Variants in CCDC102B observed in about 807,000 individuals in gnomAD.
The protein encoded by CCDC102B is coiled-coil domain containing 102B.
In CCDC102B, 75 loss-of-function variants were observed where a neutral mutation model predicts 57.4. The ratio of observed to expected loss-of-function variants is 1.31; its 90% CI spans 1.08 to 1.58. CCDC102B has a LOEUF of 1.58. CCDC102B is among the 40% of genes most tolerant of loss of function. The pLI is 0.00. For missense variants in CCDC102B, 636 were observed against 582.6 expected, an observed-to-expected ratio of 1.09 and a Z score of -0.94; for synonymous variants, 206 against 201.9, an observed-to-expected ratio of 1.02 and a Z score of -0.17.
chr18:68,952,348 G>GTA (rs2049722363), intron 6 of CCDC102B, among the ~76,000 whole-genome samples: 1 of 151,964 alleles, frequency 6.6e-6, no homozygotes. Flanking sequence ...ATTGGAAACT[G>GTA]TAAGTTGTCT....
chr18:68,787,114 A>C lies in CCDC102B; in HGVS notation c.-66-36252A>C, dbSNP rs1308596495. On this transcript the variant is annotated intron_variant, in intron 2 of 3. Coordinates refer to the CCDC102B transcript ENST00000578970. ...GTGGTTTTTGTCTTTGGTTCTGTTT[A>C]TATGCTGGATTACATTTATTGATTT... 9.2e-5 allele frequency among the ~76,000 whole-genome samples: 14 copies of C among 151,506 alleles called. 1 individual carries two copies. In the East Asian group the frequency reaches 2.7e-3, roughly 29 times the overall value.
Position 69,037,196 on chromosome 18 carries a change from A to G in CCDC102B, c.1435-16834A>G, listed in dbSNP as rs150696404. Reference sequence around the variant, plus strand: ...TTACCATAACCAAATTCCAAGCTGGACAGATTATAAAGACACCCCACTGTG... The same window carrying G: ...TTACCATAACCAAATTCCAAGCTGGGCAGATTATAAAGACACCCCACTGTG... On this transcript the variant is annotated intron_variant, in intron 7 of 7. Coordinates refer to ENST00000360242, the MANE Select transcript of CCDC102B (RefSeq NM_024781.3). 3.0e-3 allele frequency among the ~76,000 whole-genome samples: 450 copies of G among 152,118 alleles called. 3 individuals are homozygous for G. Among genetic ancestry groups the G allele is most frequent in the African/African-American group, 0.01 (432 of 41,530 alleles).
At chr18:68,736,209 A>G (rs2033122000) in intron 2 of CCDC102B, among the ~76,000 whole-genome samples, 1 of 152,242 alleles carries the variant, frequency 6.6e-6, no homozygotes, top group African/African-American at 2.4e-5. Context: ...ACACTAATCA[A>G]GAGTATAAAA....
At chr18:68,818,590 C>G (rs1455067174) in intron 1 of CCDC102B, among the ~76,000 whole-genome samples, 1 of 152,214 alleles carries the variant, frequency 6.6e-6, no homozygotes, top group African/African-American at 2.4e-5. Flanking sequence ...TCGTGAGTAG[C>G]TTTTCCTCTT....
At chr18:69,018,232 A>G (rs2051723039) in intron 7 of CCDC102B, among the ~76,000 whole-genome samples, 1 of 152,250 alleles carries the variant, frequency 6.6e-6, no homozygotes, top group Admixed American at 6.5e-5. Flanking sequence ...ATGCGTATAT[A>G]CACAACGTGT....
chr18:68,940,745 A>G (rs1371090263), intron 6 of CCDC102B, among the ~76,000 whole-genome samples: 8 of 151,940 alleles, frequency 5.3e-5, no homozygotes, highest in African/African-American at 1.7e-4. Context: ...TCATATAGCT[A>G]TGCACACTTT....
At chr18:68,749,783 G>C (rs924029497) in intron 2 of CCDC102B, among the ~76,000 whole-genome samples, 1 of 152,038 alleles carries the variant, frequency 6.6e-6, no homozygotes, top group Non-Finnish European at 1.5e-5. Context: ...TCTCCTGCCT[G>C]ATTGCCCTGG....
intron 6 of CCDC102B, among the ~76,000 whole-genome samples, chr18:68,919,819 A>G (rs1022450247): frequency 6.6e-6 from 1 of 152,182 alleles, no homozygotes; most frequent in Non-Finnish European, 1.5e-5. Flanking sequence ...AATGTCTTCA[A>G]TAATTGTTGT....
At chr18:68,935,795 G>A (rs2049219807) in intron 6 of CCDC102B, among the ~76,000 whole-genome samples, 2 of 151,830 alleles carry the variant, frequency 1.3e-5, no homozygotes, top group South Asian at 4.1e-4. Context: ...ATGTGCAAGT[G>A]CAGCATCCTG....
chr18:68,792,719 T>A (rs966798793), intron 2 of CCDC102B, among the ~76,000 whole-genome samples: 1 of 152,236 alleles, frequency 6.6e-6, no homozygotes, highest in Admixed American at 6.5e-5. Flanking sequence ...CAACCAATGC[T>A]TGAACTCAGG....
At chr18:68,890,507 G>A (rs1399900179) in intron 5 of CCDC102B, among the ~76,000 whole-genome samples, 2 of 152,090 alleles carry the variant, frequency 1.3e-5, no homozygotes, top group African/African-American at 4.8e-5. Context: ...TTATAGACTT[G>A]GGCGACCACA....
chr18:68,907,963 T>G (rs187299198), intron 6 of CCDC102B: 4 of 152,306 alleles, frequency 2.6e-5, no homozygotes, highest in African/African-American at 9.6e-5. Context: ...ATTTTCAACT[T>G]TTTTCTAATT....
chr18:68,930,581 T>C (rs1392906787), intron 6 of CCDC102B, among the ~76,000 whole-genome samples: 1 of 151,894 alleles, frequency 6.6e-6, no homozygotes, highest in African/African-American at 2.4e-5. Context: ...GAATTCCTCA[T>C]GTCATGGGCT....
intron 2 of CCDC102B, among the ~76,000 whole-genome samples, chr18:68,759,542 G>GC (rs2034183371): frequency 6.6e-6 from 1 of 152,004 alleles, no homozygotes; most frequent in African/African-American, 2.4e-5. Context: ...CATATGGGGG[G>GC]CCAGAAGACA....
In CCDC102B at chr18:68,715,339, G is replaced by T; in HGVS notation, c.-156G>T. Reference sequence around the variant, plus strand: ...CGCGTTTCCGGGAAGGTGAATACCGGTGAAAGTTATGCTGAGGGTGAGGTA... The same window carrying T: ...CGCGTTTCCGGGAAGGTGAATACCGTTGAAAGTTATGCTGAGGGTGAGGTA... On this transcript the variant is annotated 5_prime_UTR_variant, in exon 1 of 4. Coordinates refer to the CCDC102B transcript ENST00000578970. The T allele has an allele frequency of 4.3e-6, 4 of 928,020 alleles. No individual in the cohort carries two copies. In the South Asian group the frequency reaches 9.3e-5, roughly 22 times the overall value. The allele number at this position is 928,020 out of a possible 1,614,324, so 57.5% of individuals were successfully genotyped here. A position where few individuals can be genotyped will look rare whatever the true frequency, so the allele number is the denominator to read the frequency against.
chr18:69,019,784 A>G (rs2363261), intron 7 of CCDC102B, among the ~76,000 whole-genome samples: 149,879 of 152,202 alleles, frequency 0.98, 73,855 homozygotes, highest in East Asian at 1. Context: ...ACGAGGGTGA[A>G]AATGCTTGTA....
intron 5 of CCDC102B, among the ~76,000 whole-genome samples, chr18:68,881,040 CCAAGA>C (rs2039677297): frequency 6.6e-6 from 1 of 152,088 alleles, no homozygotes; most frequent in African/African-American, 2.4e-5. Context: ...CTAGAAATCA[CCAAGA>C]CAATAATTGC....
intron 7 of CCDC102B, among the ~76,000 whole-genome samples, chr18:69,017,239 G>A (rs748346745): frequency 4.0e-5 from 6 of 151,874 alleles, no homozygotes; most frequent in Admixed American, 1.3e-4. Context: ...CCTCAGCCCC[G>A]CAAATAGCTG....
At chr18:69,009,128 G>A (rs1043985782) in intron 6 of CCDC102B, among the ~76,000 whole-genome samples, 3 of 152,150 alleles carry the variant, frequency 2.0e-5, no homozygotes, top group African/African-American at 7.2e-5. Flanking sequence ...AAAAAATATT[G>A]CCAGTGTTTC....
Sources: allele counts gnomAD v4.1 joint callset (sites outside exome capture counted in the v4.1 genomes callset), GRCh38; gene constraint gnomAD v4.1.1; transcripts MANE v1.5; gene names NCBI Gene and HGNC (gene_info 2026-07-23, HGNC 2026-07-21).